The following ABLIM1 variants were observed in gnomAD, a reference collection of about 807,000 sequenced individuals.
ABLIM1 encodes actin-binding LIM protein 1.
In ABLIM1, 40 loss-of-function variants were observed where a neutral mutation model predicts 107.0. That is an observed-to-expected ratio of 0.37 (90% CI 0.29 to 0.49). The LOEUF (loss-of-function observed/expected upper bound fraction) is 0.49, where lower values mean the gene tolerates loss of function less well. Among genes scored for constraint, ABLIM1 ranks in the 20% least tolerant of loss-of-function variants. The pLI is 0.97. For missense variants in ABLIM1, 857 were observed against 1,008.5 expected, an observed-to-expected ratio of 0.85 and a Z score of 2.04; for synonymous variants, 357 against 357.3, an observed-to-expected ratio of 1.00 and a Z score of 0.01.
At chr10:114,589,217 G>GTGT (rs1555191683) in intron 2 of ABLIM1, among the ~76,000 whole-genome samples, 3 of 136,172 alleles carry the variant, frequency 2.2e-5, no homozygotes, top group African/African-American at 8.2e-5. Context: ...GTGTGTGTGT[G>GTGT]TTTTTTTTTT....
intron 4 of ABLIM1, among the ~76,000 whole-genome samples, chr10:114,570,278 C>T (rs1413761198): frequency 1.3e-5 from 2 of 152,096 alleles, no homozygotes; most frequent in Non-Finnish European, 2.9e-5. Flanking sequence ...CTGACCTACT[C>T]GATGTTATTT....
intron 1 of ABLIM1, among the ~76,000 whole-genome samples, chr10:114,620,741 AATCATTTGCCAAT>A (rs2077414800): frequency 6.6e-6 from 1 of 152,176 alleles, no homozygotes; most frequent in African/African-American, 2.4e-5. Context: ...GAGAAAGTGA[AATCATTTGCCAAT>A]ATTTAAACAT....
chr10:114,783,268 C>T, the ABLIM1 span, among the ~76,000 whole-genome samples: 19 of 149,328 alleles, frequency 1.3e-4, no homozygotes, highest in African/African-American at 4.5e-4. Flanking sequence ...AGTGAGACTC[C>T]GTCTCAAAAA....
Position 114,619,566 on chromosome 10 carries a change from G to A in ABLIM1, c.245-17605C>T, listed in dbSNP as rs567287178. On this transcript the variant is annotated intron_variant, in intron 1 of 22. Coordinates refer to ENST00000533213, the MANE Select transcript of ABLIM1 (RefSeq NM_002313.7). The surrounding 1 kb of genome is among the most constrained non-coding windows in gnomAD (Gnocchi z 4.1). ...GAATGCTATCCAGCATGTAATGCTC[G>A]ACAATGTAGATGAACAGCTGGTCAC... Among the ~76,000 whole-genome samples, 38 of 152,236 alleles carry A rather than the reference G, an allele frequency of 2.5e-4. No individual in the cohort carries two copies. In the South Asian group the frequency reaches 6.8e-3, roughly 27 times the overall value.
chr10:114,575,389 A>G lies in ABLIM1; in HGVS notation c.563+27T>C, dbSNP rs369373688. Reference sequence around the variant, plus strand: ...GCATTTCTCTGTTGGAGGAAGGTGTAGGCTTTGGAAAGATAGGCTCACTTA... The same window carrying G: ...GCATTTCTCTGTTGGAGGAAGGTGTGGGCTTTGGAAAGATAGGCTCACTTA... On this transcript the variant is annotated intron_variant, in intron 3 of 22. Transcript: ENST00000533213. The G allele has an allele frequency of 7.5e-6, 12 of 1,608,238 alleles. No homozygotes were observed. The African/African-American group carries it at 8.0e-5, about 11-fold the overall frequency.
intron 6 of ABLIM1, among the ~76,000 whole-genome samples, chr10:114,525,452 G>A (rs952055319): frequency 3.3e-5 from 5 of 152,208 alleles, no homozygotes; most frequent in Non-Finnish European, 5.9e-5. Flanking sequence ...CAACCGCCTC[G>A]AAAACATTGG....
intron 8 of ABLIM1, among the ~76,000 whole-genome samples, chr10:114,483,226 G>A (rs1277213949): frequency 6.6e-6 from 1 of 152,198 alleles, no homozygotes. Context: ...TTGGCTTGCT[G>A]TTTATGACAG....
At chr10:114,626,902 C>T (rs1477553983) in intron 1 of ABLIM1, among the ~76,000 whole-genome samples, 1 of 152,126 alleles carries the variant, frequency 6.6e-6, no homozygotes, top group Admixed American at 6.5e-5. Context: ...AAGGCAGTTG[C>T]TTCTATAAGC....
At chr10:114,550,383 T>C (rs9421182) in intron 4 of ABLIM1, among the ~76,000 whole-genome samples, 104,079 of 149,034 alleles carry the variant, frequency 0.7, 35,800 homozygotes, top group Middle Eastern at 0.77. Context: ...TGATAGTTTT[T>C]TTTAAAAAAA....
chr10:114,576,814 C>A (rs2072639295), intron 2 of ABLIM1, among the ~76,000 whole-genome samples: 1 of 152,210 alleles, frequency 6.6e-6, no homozygotes, highest in Admixed American at 6.5e-5. Context: ...TTCTTCTTTG[C>A]AATTTACAAT....
chr10:114,797,017 T>G, the ABLIM1 span, among the ~76,000 whole-genome samples: 1,970 of 152,280 alleles, frequency 0.013, 36 homozygotes, highest in African/African-American at 0.043. Flanking sequence ...CACATCAACA[T>G]CCTAAATTTG....
At chr10:114,569,106 G>A (rs1317562182) in intron 4 of ABLIM1, among the ~76,000 whole-genome samples, 3 of 152,012 alleles carry the variant, frequency 2.0e-5, no homozygotes, top group African/African-American at 4.8e-5. Flanking sequence ...GCCAAAAGAC[G>A]TGCATCTGAC....
At chr10:114,462,513 A>G (rs1478755089) in intron 12 of ABLIM1, among the ~76,000 whole-genome samples, 1 of 152,190 alleles carries the variant, frequency 6.6e-6, no homozygotes, top group Non-Finnish European at 1.5e-5. Flanking sequence ...GGGAGTTAGG[A>G]CAAATCAAAA....
chr10:114,769,172 GAAAAAAAAAAAAAAA>G (rs35691537), upstream of ABLIM1, among the ~76,000 whole-genome samples: 3 of 46,524 alleles, frequency 6.4e-5, no homozygotes, highest in Middle Eastern at 0.025. Flanking sequence ...TGTCTTCAAT[GAAAAAAAAAAAAAAA>G]AAAAAAAAAG....
chr10:114,492,650 G>C (rs746088723), intron 6 of ABLIM1, among the ~76,000 whole-genome samples: 2 of 152,168 alleles, frequency 1.3e-5, no homozygotes, highest in Non-Finnish European at 2.9e-5. Flanking sequence ...AAATCCTTTC[G>C]TTCACAGCCT....
At chr10:114,731,846 A>G (rs369178344) in intron 1 of ABLIM1, among the ~76,000 whole-genome samples, 11 of 151,274 alleles carry the variant, frequency 7.3e-5, no homozygotes, top group Non-Finnish European at 1.2e-4. Context: ...CTGGCCTCAA[A>G]TGATCCACCT....
chr10:114,760,366 A>C (rs73373774), intron 1 of ABLIM1, among the ~76,000 whole-genome samples: 6,004 of 151,254 alleles, frequency 0.04, 409 homozygotes, highest in African/African-American at 0.14. Context: ...AACCCCACTG[A>C]CTTCTATTCC....
At chr10:114,588,319 T>C (rs1387786297) in intron 2 of ABLIM1, among the ~76,000 whole-genome samples, 1 of 152,030 alleles carries the variant, frequency 6.6e-6, no homozygotes, top group Admixed American at 6.6e-5. Flanking sequence ...GTCTATTCTT[T>C]AGTTGAGTGT....
chr10:114,712,198 C>T (rs778151656), intron 1 of ABLIM1, among the ~76,000 whole-genome samples: 3 of 151,348 alleles, frequency 2.0e-5, no homozygotes, highest in Non-Finnish European at 4.4e-5. Flanking sequence ...ACTGAAAATA[C>T]AAAAATTAGC....
Sources: gnomAD v4.1 joint callset for allele counts (sites outside exome capture counted in the v4.1 genomes callset) on GRCh38, gnomAD v4.1.1 for gene constraint, Gnocchi (gnomAD v3.1) non-coding constraint, MANE v1.5 for transcripts, NCBI Gene and HGNC (gene_info 2026-07-23, HGNC 2026-07-21) for gene names.